Variants in CHSY3 observed in about 807,000 individuals in gnomAD.
CHSY3 encodes N-acetylgalactosaminyl-proteoglycan 3-beta-glucuronosyltransferase 3.
Under a neutral mutation model 67.2 loss-of-function variants are expected in CHSY3, and 35 were observed. The observed-to-expected ratio is 0.52, with a 90% confidence interval of 0.40 to 0.69. CHSY3 has a LOEUF of 0.69. Ranked by LOEUF, CHSY3 falls within the 30% of genes least tolerant of loss-of-function variation. The pLI, the probability that CHSY3 is intolerant of heterozygous loss-of-function variation, is 0.00. For synonymous variants in CHSY3, 474 were observed against 434.7 expected (o/e 1.09, Z -1.12); for missense variants, 1,069 against 1,138.5 (o/e 0.94, Z 0.88).
At chr5:129,931,063 AT>A (rs575752271) in intron 2 of CHSY3, among the ~76,000 whole-genome samples, 3,654 of 150,204 alleles carry the variant, frequency 0.024, 108 homozygotes, top group African/African-American at 0.072. Flanking sequence ...TGCTAACTGA[AT>A]TTTTTTTTTG....
chr5:130,185,221 A>G lies in CHSY3; in HGVS notation c.2079A>G (p.Gly693=). 1.9e-6 allele frequency: 3 copies of G among 1,606,782 alleles called. No homozygotes were observed. The highest frequency in any genetic ancestry group is 1.7e-6 in the Non-Finnish European group (2 of 1,173,324). Residue 693 remains glycine, a synonymous_variant, in exon 3 of 3, where the codon GGA becomes GGG. Transcript: ENST00000305031. ...AAATGACCCTGATCCCAATGAAGGG[A>G]GAGTTTTCCAGAGGTCTTGGTCTTG... ...KAEMTLIPMK[G]EFSRGLGLEM...
intron 2 of CHSY3, among the ~76,000 whole-genome samples, chr5:129,993,643 A>G (rs1490401383): frequency 3.3e-5 from 5 of 152,076 alleles, no homozygotes; most frequent in Admixed American, 6.6e-5. Context: ...CAGCACACGG[A>G]TGGGTCTTGA....
intron 2 of CHSY3, among the ~76,000 whole-genome samples, chr5:130,039,390 G>A (rs922498189): frequency 1.5e-5 from 2 of 130,414 alleles, no homozygotes; most frequent in African/African-American, 5.3e-5. Context: ...GACTTGGGTG[G>A]CTGAGGTGGG....
intron 2 of CHSY3, among the ~76,000 whole-genome samples, chr5:130,132,355 G>A (rs12652783): frequency 0.16 from 24,371 of 152,068 alleles, 2,430 homozygotes; most frequent in South Asian, 0.4. Flanking sequence ...TAAAACTACC[G>A]TAGGAACTGG....
At chr5:130,102,417 A>G (rs1457664388) in intron 2 of CHSY3, among the ~76,000 whole-genome samples, 1 of 152,094 alleles carries the variant, frequency 6.6e-6, no homozygotes, top group Non-Finnish European at 1.5e-5. Context: ...TTAATAAATC[A>G]ATGTAATTTG....
At chr5:130,105,018 A>G (rs909767720) in intron 2 of CHSY3, among the ~76,000 whole-genome samples, 2 of 151,614 alleles carry the variant, frequency 1.3e-5, no homozygotes, top group Admixed American at 6.6e-5. Context: ...TTTAGCTTAG[A>G]CTTATAAAGT....
chr5:130,055,695 AGCAGCAGCTGCT>A (rs1765508900), intron 2 of CHSY3, among the ~76,000 whole-genome samples: 1 of 152,086 alleles, frequency 6.6e-6, no homozygotes, highest in African/African-American at 2.4e-5. Context: ...GAACAACAGC[AGCAGCAGCTGCT>A]GCTGCTGCTG....
At chr5:130,101,744 C>T (rs1767253268) in intron 2 of CHSY3, among the ~76,000 whole-genome samples, 2 of 152,032 alleles carry the variant, frequency 1.3e-5, no homozygotes, top group Non-Finnish European at 2.9e-5. Context: ...ATATGTATGT[C>T]ATGATATCAT....
At chr5:129,962,942 G>C (rs1208736054) in intron 2 of CHSY3, among the ~76,000 whole-genome samples, 2 of 151,964 alleles carry the variant, frequency 1.3e-5, no homozygotes, top group African/African-American at 2.4e-5. Context: ...CAGCCAACTT[G>C]GGGGTCTTTG....
intron 2 of CHSY3, among the ~76,000 whole-genome samples, chr5:130,030,026 A>C (rs907697421): frequency 2.0e-5 from 3 of 152,090 alleles, no homozygotes; most frequent in Non-Finnish European, 4.4e-5. Context: ...CCTATACTTA[A>C]ATTTTTTTCC....
intron 2 of CHSY3, among the ~76,000 whole-genome samples, chr5:130,123,839 C>T (rs1421872912): frequency 2.0e-5 from 3 of 151,866 alleles, no homozygotes; most frequent in African/African-American, 7.3e-5. Context: ...GGGCGGATCA[C>T]GAGGTCAGGA....
chr5:129,945,662 G>A (rs73785820), intron 2 of CHSY3, among the ~76,000 whole-genome samples: 79 of 152,236 alleles, frequency 5.2e-4, no homozygotes, highest in African/African-American at 1.9e-3. Flanking sequence ...GGACAGTATG[G>A]AAGGAGACAG....
In CHSY3 at chr5:130,178,251, A is replaced by ATTTTTTTTTTTTT. The variant is rs1298647034; in HGVS notation, c.1087-5977_1087-5976insTTTTTTTTTTTTT. Among the ~76,000 whole-genome samples the ATTTTTTTTTTTTT allele has an allele frequency of 2.1e-4, 13 of 62,732 alleles. No homozygotes were observed. The East Asian group carries it at 2.8e-3, about 14-fold the overall frequency. The allele number at this position is 62,732 out of a possible 152,430, so 41.2% of individuals were successfully genotyped here. The stretch of plus-strand genomic sequence containing the variant: ...TTTATATATATATATATATATATAT[A>ATTTTTTTTTTTTT]TATTTTTTTTTTTTTTTTTCCTGAG... On this transcript the variant is annotated intron_variant, in intron 2 of 2. Coordinates refer to ENST00000305031, the MANE Select transcript of CHSY3 (RefSeq NM_175856.5).
At chr5:130,059,723 C>G (rs1440985395) in intron 2 of CHSY3, among the ~76,000 whole-genome samples, 1 of 152,056 alleles carries the variant, frequency 6.6e-6, no homozygotes, top group African/African-American at 2.4e-5. Context: ...TTAGGAATTC[C>G]TTATTCTGTC....
chr5:130,069,235 G>A (rs1287096536), intron 2 of CHSY3, among the ~76,000 whole-genome samples: 2 of 152,016 alleles, frequency 1.3e-5, no homozygotes, highest in African/African-American at 4.8e-5. Flanking sequence ...GGATGTAAAT[G>A]CATTTGAAGC....
At chr5:130,045,811 T>C (rs1292685586) in intron 2 of CHSY3, among the ~76,000 whole-genome samples, 2 of 152,124 alleles carry the variant, frequency 1.3e-5, no homozygotes, top group African/African-American at 4.8e-5. Flanking sequence ...ATGAACACCT[T>C]GTGCTTGCTC....
Position 129,905,012 on chromosome 5 carries a change from G to A in CHSY3, c.183G>A (p.Gln61=). The change falls in exon 1 of 3, where the codon CAG becomes CAA. Residue 61 remains glutamine (Q), a synonymous_variant. Transcript: ENST00000305031. ...CTGGCCCCCGCGCCGGCGCTCAGCA[G>A]CCGCTCCCCCAGCCCCAGTCCCGAC... The part of the protein sequence containing the change: ...SAAGPRAGAQ[Q]PLPQPQSRPR... 1 of 1,565,040 alleles carries A rather than the reference G, an allele frequency of 6.4e-7. No homozygotes were observed. The highest frequency in any genetic ancestry group is 8.6e-7 in the Non-Finnish European group (1 of 1,161,950).
chr5:130,108,311 T>G (rs1184224619), intron 2 of CHSY3, among the ~76,000 whole-genome samples: 1 of 151,590 alleles, frequency 6.6e-6, no homozygotes, highest in Non-Finnish European at 1.5e-5. Flanking sequence ...CAGAGAGCCC[T>G]TTCAAAAAAT....
At chr5:130,068,148 C>T (rs1451497456) in intron 2 of CHSY3, among the ~76,000 whole-genome samples, 1 of 152,000 alleles carries the variant, frequency 6.6e-6, no homozygotes, top group Non-Finnish European at 1.5e-5. Flanking sequence ...ATTGGTTTTC[C>T]AGCCAACAAC....
Sources: allele counts gnomAD v4.1 joint callset (sites outside exome capture counted in the v4.1 genomes callset), GRCh38; gene constraint gnomAD v4.1.1; transcripts MANE v1.5; gene names NCBI Gene and HGNC (gene_info 2026-07-23, HGNC 2026-07-21).